DNAH9: variants seen among roughly 807,000 people sequenced by gnomAD.
DNAH9 encodes dynein axonemal heavy chain 9.
A neutral mutation model predicts 471.6 loss-of-function variants in DNAH9; 345 were observed. That is an observed-to-expected ratio of 0.73 (90% CI 0.67 to 0.80). The LOEUF is 0.80. Among genes scored for constraint, DNAH9 ranks in the 30% least tolerant of loss-of-function variants. The pLI is 0.00. For synonymous variants in DNAH9, 2,093 were observed against 2,123.6 expected (o/e 0.99, Z 0.40); for missense variants, 5,407 against 5,609.2 (o/e 0.96, Z 1.15).
In DNAH9 at chr17:11,882,973, G is replaced by T. The variant is rs933164767; in HGVS notation, c.10807-613G>T. 3 of 985,354 alleles carry T rather than the reference G, an allele frequency of 3.0e-6. No individual in the cohort carries two copies. In the African/African-American group the frequency reaches 5.2e-5, roughly 17 times the overall value. The allele number at this position is 985,354 out of a possible 1,614,324, so 61.0% of individuals were successfully genotyped here. A position where few individuals can be genotyped will look rare whatever the true frequency, so the allele number is the denominator to read the frequency against. On this transcript the variant is annotated intron_variant, in intron 55 of 68. Coordinates refer to ENST00000262442, the MANE Select transcript of DNAH9 (RefSeq NM_001372.4). ...CCAACAGGAAGGTTGTTCTTCCCAC[G>T]AATCCAAAGGCTGTACAAGGGCAAA...
chr17:11,907,695 C>A (rs111909022), intron 61 of DNAH9, among the ~76,000 whole-genome samples: 4 of 152,138 alleles, frequency 2.6e-5, no homozygotes, highest in African/African-American at 9.6e-5. Flanking sequence ...ATGCTTTGTG[C>A]CTCAGGGGAG....
chr17:11,814,607 A>C (rs1326710846), intron 45 of DNAH9, among the ~76,000 whole-genome samples: 1 of 152,164 alleles, frequency 6.6e-6, no homozygotes, highest in East Asian at 1.9e-4. Context: ...ATAACATGTA[A>C]CCTCTGTGCA....
chr17:11,900,654 T>G (rs1468416266), intron 59 of DNAH9, among the ~76,000 whole-genome samples: 2 of 152,336 alleles, frequency 1.3e-5, no homozygotes, highest in East Asian at 1.9e-4. Flanking sequence ...TGTTGTTGTT[T>G]TTTATTATTT....
rs746250567 is a variant in DNAH9, at chr17:11,745,089, A to C, written c.6399+5A>C. 6.2e-7 allele frequency: 1 copy of C among 1,604,438 alleles called. No homozygotes were observed. The highest frequency in any genetic ancestry group is 1.1e-5 in the South Asian group (1 of 90,164). ...GAGGACAACTTTGTGCTCAAGGTAC[A>C]TGTGGTTTTTCCTCCCAGGATTTCT... is the stretch of plus-strand genomic sequence containing the variant. On this transcript the variant is annotated splice_donor_5th_base_variant and intron_variant, in intron 31 of 68. Transcript: ENST00000262442.
Position 11,738,961 on chromosome 17 carries a change from G to A in DNAH9, c.5896G>A (p.Val1966Ile). 5 of 1,614,106 alleles carry A rather than the reference G, an allele frequency of 3.1e-6. No individual in the cohort carries two copies. The highest frequency in any genetic ancestry group is 4.2e-6 in the Non-Finnish European group (5 of 1,179,952). ...GGAGGAGATCAGCCTGAATCCTTCTGTCGGTATCTTCATCACCATGAACCC... is the reference window on the plus strand; with the variant it reads ...GGAGGAGATCAGCCTGAATCCTTCTATCGGTATCTTCATCACCATGAACCC... ...LGEEISLNPS[V>I]GIFITMNPGY... The change falls in exon 29 of 69, where the codon GTC becomes ATC. Residue 1966 changes from valine (V) to isoleucine (I), a missense_variant. By Grantham distance (29) the Val-to-Ile change is conservative (BLOSUM62 3). This residue lies in a region of DNAH9 where 4,636 missense variants were observed against 4,900.3 expected (regional missense o/e 0.95). Coordinates refer to ENST00000262442, the MANE Select transcript of DNAH9 (RefSeq NM_001372.4).
Position 11,937,218 on chromosome 17 carries a change from C to T in DNAH9, c.12490-134C>T. The T allele has an allele frequency of 8.8e-7, 1 of 1,135,576 alleles. No individual in the cohort carries two copies. The highest frequency in any genetic ancestry group is 1.2e-6 in the Non-Finnish European group (1 of 817,534). 70.3% of individuals were successfully genotyped at this position (1,135,576 alleles called of 1,614,324 possible). ...TAATAGGTGGAGAGGGTGATGAAGTCAACCAGGGATGGTGAGCAGTGTCCC... is the reference window on the plus strand; with the variant it reads ...TAATAGGTGGAGAGGGTGATGAAGTTAACCAGGGATGGTGAGCAGTGTCCC... On this transcript the variant is annotated intron_variant, in intron 65 of 68. Coordinates refer to ENST00000262442, the MANE Select transcript of DNAH9 (RefSeq NM_001372.4). This position sits in a 1 kb window ranked among gnomAD's most constrained non-coding sequence, Gnocchi z 4.1.
At chr17:11,806,979 G>C (rs942197648) in intron 43 of DNAH9, among the ~76,000 whole-genome samples, 1 of 152,140 alleles carries the variant, frequency 6.6e-6, no homozygotes, top group Non-Finnish European at 1.5e-5. Context: ...CTGGAGGGCA[G>C]GAAGAGTGGT....
chr17:11,862,456 T>A (rs1971891143), intron 50 of DNAH9, among the ~76,000 whole-genome samples: 1 of 127,332 alleles, frequency 7.9e-6, no homozygotes, highest in Admixed American at 8.3e-5. Context: ...GGTAGCATGA[T>A]GCCTCCGGCT....
chr17:11,969,653 G>C lies in DNAH9; in HGVS notation c.*126G>C. 1.2e-6 allele frequency: 1 copy of C among 800,192 alleles called. No individual in the cohort carries two copies. The highest frequency in any genetic ancestry group is 1.9e-5 in the South Asian group (1 of 53,574). The allele number at this position is 800,192 out of a possible 1,614,324, so 49.6% of individuals were successfully genotyped here. On this transcript the variant is annotated 3_prime_UTR_variant, in exon 69 of 69. Transcript: ENST00000262442. ...AACCATGAGCACTCACAATTCTGTA[G>C]AATTCCTCTAGGGAACTTGGAGAGG...
At chr17:11,698,197 A>ATATAT (rs1567728670) in intron 22 of DNAH9, among the ~76,000 whole-genome samples, 1 of 118,012 alleles carries the variant, frequency 8.5e-6, no homozygotes, top group Non-Finnish European at 1.6e-5. Flanking sequence ...TTAATATAAT[A>ATATAT]ATATATTAAT....
intron 8 of DNAH9, among the ~76,000 whole-genome samples, chr17:11,636,146 C>T (rs2073161424): frequency 6.6e-6 from 1 of 152,126 alleles, no homozygotes; most frequent in Admixed American, 6.5e-5. Context: ...GCTGGGATTA[C>T]AGGCACCCGC....
At chr17:11,617,151 C>T (rs1301662545) in intron 4 of DNAH9, among the ~76,000 whole-genome samples, 2 of 152,142 alleles carry the variant, frequency 1.3e-5, no homozygotes, top group African/African-American at 2.4e-5. Context: ...TACTACCCAC[C>T]AAGCACCAGA....
intron 43 of DNAH9, 25 bp from the exon 44 acceptor site, chr17:11,807,707 C>T (rs1033725675): frequency 1.1e-5 from 17 of 1,591,100 alleles, no homozygotes; most frequent in East Asian, 2.3e-5. Context: ...ATCAAAGCAA[C>T]ATGTGCCTGC....
intron 17 of DNAH9, among the ~76,000 whole-genome samples, chr17:11,676,837 C>G (rs73290845): frequency 0.016 from 2,393 of 151,990 alleles, 61 homozygotes; most frequent in African/African-American, 0.053. Flanking sequence ...ACAGTTTTAC[C>G]TCCATCTTGC....
intron 26 of DNAH9, among the ~76,000 whole-genome samples, chr17:11,715,057 C>A (rs953061180): frequency 6.6e-6 from 1 of 152,154 alleles, no homozygotes; most frequent in African/African-American, 2.4e-5. Flanking sequence ...ATTTGTTACA[C>A]AGCAATAGAA....
In DNAH9 at chr17:11,598,909, C is replaced by T. The variant is rs1387088180; in HGVS notation, c.411C>T (p.Phe137=). ...CTCTGGAGCACCTAGCCGCGCTGTT[C>T]TCGGAGGTGAGGGTGGGTTAGTGTC... The part of the protein sequence containing the change: ...AAPLEHLAAL[F]SEVVLPVLAN... The change falls in exon 1 of 69, where the codon TTC becomes TTT. Residue 137 remains phenylalanine, a synonymous_variant. Transcript: ENST00000262442. The T allele has an allele frequency of 1.3e-6, 2 of 1,527,564 alleles. No homozygotes were observed. Among genetic ancestry groups the T allele is most frequent in the African/African-American group, 2.8e-5 (2 of 70,658 alleles). The allele number at this position is 1,527,564 out of a possible 1,614,324, so 94.6% of individuals were successfully genotyped here. A position where few individuals can be genotyped will look rare whatever the true frequency, so the allele number is the denominator to read the frequency against.
intron 12 of DNAH9, among the ~76,000 whole-genome samples, chr17:11,648,852 G>A (rs183535771): frequency 7.2e-5 from 11 of 152,240 alleles, no homozygotes; most frequent in African/African-American, 1.2e-4. Flanking sequence ...AGGGCCGGGC[G>A]TGGTGGCTCA....
In DNAH9 at chr17:11,781,016, G is replaced by A; in HGVS notation, c.7560G>A (p.Leu2520=). The change falls in exon 39 of 69, where the codon CTG becomes CTA. Residue 2520 remains leucine, a synonymous_variant. Transcript: ENST00000262442. The part of the protein sequence containing the change: ...YTTSAMLQAV[L]EKPLEKKAGR... ...GACTGGCTCTCTCCCCAGCTGTCCT[G>A]GAGAAGCCTCTGGAAAAGAAGGCTG... 2 of 1,613,760 alleles carry A rather than the reference G, an allele frequency of 1.2e-6. No homozygotes were observed. The highest frequency in any genetic ancestry group is 1.7e-6 in the Non-Finnish European group (2 of 1,179,828).
intron 61 of DNAH9, 35 bp downstream of exon 61, chr17:11,905,844 T>C: frequency 2.5e-6 from 4 of 1,571,446 alleles, no homozygotes; most frequent in Non-Finnish European, 3.5e-6. Flanking sequence ...CAGGGCTGCA[T>C]TTGCCCCATG....
Sources: gnomAD v4.1 joint callset for allele counts (sites outside exome capture counted in the v4.1 genomes callset) on GRCh38, gnomAD v4.1.1 for gene constraint, gnomAD v4.1.1 regional missense constraint, Gnocchi (gnomAD v3.1) non-coding constraint, MANE v1.5 for transcripts, NCBI Gene and HGNC (gene_info 2026-07-23, HGNC 2026-07-21) for gene names.